The following CNBD1 variants were observed in gnomAD, a reference collection of about 807,000 sequenced individuals.
The protein encoded by CNBD1 is cyclic nucleotide binding domain containing 1, also known as cyclic nucleotide-binding domain-containing protein 1.
CNBD1 carries 71 observed loss-of-function variants against 54.4 expected under a neutral mutation model. The ratio of observed to expected loss-of-function variants is 1.30; its 90% CI spans 1.08 to 1.59. CNBD1 has a LOEUF of 1.59. Ranked by LOEUF, CNBD1 falls within the 40% of genes most tolerant of loss-of-function variation. CNBD1 has a pLI of 0.00. For synonymous variants in CNBD1, 182 were observed against 170.7 expected (o/e 1.07, Z -0.51); for missense variants, 659 against 518.0 (o/e 1.27, Z -2.64).
chr8:87,396,922 C>T (rs772913934), intron 2 of CNBD1, among the ~76,000 whole-genome samples: 14 of 139,418 alleles, frequency 1.0e-4, no homozygotes, highest in South Asian at 2.3e-4. Context: ...TTCTTTAAAT[C>T]ATCTGGAACT....
At chr8:87,253,697 G>A (rs1326064612) in intron 6 of CNBD1, among the ~76,000 whole-genome samples, 1 of 152,110 alleles carries the variant, frequency 6.6e-6, no homozygotes, top group Non-Finnish European at 1.5e-5. Context: ...TGACAAACTA[G>A]AACTAGGGAG....
In CNBD1 at chr8:87,364,490, T is replaced by C. The variant is rs1393870731; in HGVS notation, c.1303+10704T>C. 5.3e-5 allele frequency among the ~76,000 whole-genome samples: 7 copies of C among 131,566 alleles called. No homozygotes were observed. The East Asian group carries it at 1.4e-3, about 26-fold the overall frequency. 86.3% of individuals were successfully genotyped at this position (131,566 alleles called of 152,430 possible). A position where few individuals can be genotyped will look rare whatever the true frequency, so the allele number is the denominator to read the frequency against. On this transcript the variant is annotated intron_variant, in intron 10 of 10. Coordinates refer to ENST00000518476, the MANE Select transcript of CNBD1 (RefSeq NM_173538.3). ...TTGTCTTTTTATTTTATTTTTTAAA[T>C]ATTTTAAATTTTATTTTATGTTCAG...
intron 6 of CNBD1, among the ~76,000 whole-genome samples, chr8:87,266,089 G>T (rs1456150966): frequency 6.6e-6 from 1 of 151,810 alleles, no homozygotes; most frequent in Non-Finnish European, 1.5e-5. Flanking sequence ...TCACAGAAGG[G>T]TTCAATATAG....
intron 2 of CNBD1, among the ~76,000 whole-genome samples, chr8:87,397,137 C>A (rs1053244966): frequency 2.0e-5 from 3 of 151,716 alleles, no homozygotes; most frequent in African/African-American, 2.4e-5. Flanking sequence ...TAGAGCCACT[C>A]TTGCCTTATT....
chr8:86,921,662 T>C (rs1358792378), intron 3 of CNBD1, among the ~76,000 whole-genome samples: 1 of 152,138 alleles, frequency 6.6e-6, no homozygotes, highest in Admixed American at 6.6e-5. Flanking sequence ...CTGACACTTA[T>C]TCACTACCAC....
intron 8 of CNBD1, among the ~76,000 whole-genome samples, chr8:87,304,913 G>A (rs1585997926): frequency 6.6e-6 from 1 of 152,138 alleles, no homozygotes; most frequent in Middle Eastern, 3.4e-3. Flanking sequence ...CCTTATCAGA[G>A]CAATCAAGAG....
intron 2 of CNBD1, among the ~76,000 whole-genome samples, chr8:87,424,490 G>A (rs1156604359): frequency 6.6e-6 from 1 of 152,128 alleles, no homozygotes; most frequent in Non-Finnish European, 1.5e-5. Context: ...TGTTCTCACT[G>A]GTTTCAAAGA....
intron 5 of CNBD1, among the ~76,000 whole-genome samples, chr8:87,229,674 A>G (rs1310247075): frequency 3.9e-5 from 6 of 152,132 alleles, no homozygotes; most frequent in Non-Finnish European, 2.9e-5. Flanking sequence ...TCCATTTACA[A>G]TGTTAAATTT....
chr8:87,339,651 C>T (rs1265253349), intron 8 of CNBD1, among the ~76,000 whole-genome samples: 1 of 151,930 alleles, frequency 6.6e-6, no homozygotes, highest in African/African-American at 2.4e-5. Flanking sequence ...CTTTGATTTC[C>T]TTCAGGTTTT....
chr8:87,390,919 C>T (rs112756576), intron 2 of CNBD1, among the ~76,000 whole-genome samples: 19 of 151,902 alleles, frequency 1.3e-4, no homozygotes, highest in East Asian at 3.9e-4. Context: ...CCATAAAAAA[C>T]GATGAGTTCA....
chr8:87,414,459 A>G (rs1807804358), intron 2 of CNBD1, among the ~76,000 whole-genome samples: 2 of 152,120 alleles, frequency 1.3e-5, no homozygotes, highest in Admixed American at 6.6e-5. Context: ...CCAACATGGC[A>G]CATGTATACA....
chr8:86,983,767 C>T (rs770163831), intron 4 of CNBD1, among the ~76,000 whole-genome samples: 11 of 152,084 alleles, frequency 7.2e-5, no homozygotes, highest in Non-Finnish European at 1.5e-4. Flanking sequence ...TTCTAAGCAG[C>T]AAAGCATTCA....
At chr8:87,232,885 G>GT (rs1382891346) in intron 5 of CNBD1, among the ~76,000 whole-genome samples, 4 of 152,152 alleles carry the variant, frequency 2.6e-5, no homozygotes, top group African/African-American at 7.2e-5. Context: ...ATTAAACACA[G>GT]TTTTTCCGAA....
chr8:87,277,821 C>T (rs1808514458), intron 6 of CNBD1, among the ~76,000 whole-genome samples: 1 of 151,628 alleles, frequency 6.6e-6, no homozygotes, highest in Admixed American at 6.6e-5. Flanking sequence ...CAACATCCAG[C>T]ATTGACTAAA....
At chr8:87,066,747 GAATAT>G (rs1291028870) in intron 4 of CNBD1, among the ~76,000 whole-genome samples, 16 of 151,714 alleles carry the variant, frequency 1.1e-4, no homozygotes, top group South Asian at 2.1e-4. Flanking sequence ...GCTTCAATTA[GAATAT>G]AATTTAATAT....
chr8:87,285,281 TG>T (rs1808670993), intron 7 of CNBD1, among the ~76,000 whole-genome samples: 1 of 152,194 alleles, frequency 6.6e-6, no homozygotes, highest in Non-Finnish European at 1.5e-5. Context: ...AACTCAGAGC[TG>T]CATGAATAAG....
At chr8:86,995,024 A>G (rs376528095) in intron 4 of CNBD1, among the ~76,000 whole-genome samples, 9 of 152,180 alleles carry the variant, frequency 5.9e-5, no homozygotes, top group African/African-American at 1.9e-4. Context: ...AAATGAAGGA[A>G]CAACTTGTAT....
chr8:87,321,851 G>T (rs1237716097), intron 8 of CNBD1, among the ~76,000 whole-genome samples: 2 of 139,558 alleles, frequency 1.4e-5, no homozygotes, highest in African/African-American at 2.7e-5. Context: ...TGTGCACATT[G>T]TGCAGGTTAG....
chr8:86,924,294 A>G (rs905975575), intron 3 of CNBD1, among the ~76,000 whole-genome samples: 1 of 152,156 alleles, frequency 6.6e-6, no homozygotes, highest in Non-Finnish European at 1.5e-5. Context: ...TTATTTCTCA[A>G]CAATTAGTAA....
Sources: allele counts gnomAD v4.1 joint callset (sites outside exome capture counted in the v4.1 genomes callset), GRCh38; gene constraint gnomAD v4.1.1; transcripts MANE v1.5; gene names NCBI Gene and HGNC (gene_info 2026-07-23, HGNC 2026-07-21).